BTBD19: variants seen among roughly 807,000 people sequenced by gnomAD.
BTBD19 encodes BTB domain containing 19, also known as BTB/POZ domain-containing protein 19.
BTBD19 carries 20 observed loss-of-function variants against 36.1 expected under a neutral mutation model. That is an observed-to-expected ratio of 0.55 (90% CI 0.39 to 0.80). The LOEUF (loss-of-function observed/expected upper bound fraction) is 0.80, where lower values mean the gene tolerates loss of function less well. Among genes scored for constraint, BTBD19 ranks in the 30% least tolerant of loss-of-function variants. The pLI is 0.00. For missense variants in BTBD19, 325 were observed against 389.8 expected, an observed-to-expected ratio of 0.83 and a Z score of 1.40; for synonymous variants, 157 against 174.3, an observed-to-expected ratio of 0.90 and a Z score of 0.78.
exon 8 of BTBD19, chr1:44,814,013 G>A (rs1279209200): frequency 1.6e-6 from 1 of 616,236 alleles, no homozygotes; most frequent in African/African-American, 1.8e-5. Context: ...GGTGAAACTC[G>A]AAAACGAGGA....
Position 44,810,666 on chromosome 1 carries a change from C to T in BTBD19, c.354+59C>T, listed in dbSNP as rs369328951. The stretch of plus-strand genomic sequence containing the variant: ...CCTTGCTTCTCACGGGCTCACTTCC[C>T]GCCCTGCCTCACACACACTCTGGCC... On this transcript the variant is annotated intron_variant, in intron 3 of 7. Transcript: ENST00000450269. This position sits in a 1 kb window ranked among gnomAD's most constrained non-coding sequence, Gnocchi z 4.2. 13 of 1,453,922 alleles carry T rather than the reference C, an allele frequency of 8.9e-6. No individual in the cohort carries two copies. Among genetic ancestry groups the T allele is most frequent in the Middle Eastern group, 4.3e-4 (2 of 4,652 alleles). 90.1% of individuals were successfully genotyped at this position (1,453,922 alleles called of 1,614,324 possible).
chr1:44,814,214 TTCTTTCTTTC>T, downstream of BTBD19: 1 of 114,412 alleles, frequency 8.7e-6, no homozygotes, highest in Non-Finnish European at 1.7e-5. Flanking sequence ...TTCTTTCTTT[TTCTTTCTTTC>T]TCTTTCCTTC....
Position 44,813,955 on chromosome 1 carries a change from C to A in BTBD19, c.*183C>A. 3 of 1,024,224 alleles carry A rather than the reference C, an allele frequency of 2.9e-6. No individual in the cohort carries two copies. Among genetic ancestry groups the A allele is most frequent in the South Asian group, 1.6e-5 (1 of 61,336 alleles). 63.4% of individuals were successfully genotyped at this position (1,024,224 alleles called of 1,614,324 possible). A position where few individuals can be genotyped will look rare whatever the true frequency, so the allele number is the denominator to read the frequency against. On this transcript the variant is annotated 3_prime_UTR_variant, in exon 8 of 8. Transcript: ENST00000450269. This position sits in a 1 kb window ranked among gnomAD's most constrained non-coding sequence, Gnocchi z 7.8. ...TTGTGCGGGATCAAGCCCGTGTGGGCGAGGTGGGGTCGGGCCGGGCAGGGC... is the reference window on the plus strand; with the variant it reads ...TTGTGCGGGATCAAGCCCGTGTGGGAGAGGTGGGGTCGGGCCGGGCAGGGC...
At chr1:44,811,867 A>T in intron 3 of BTBD19, 172 bp from the exon 4 acceptor site, 1 of 417,276 alleles carries the variant, frequency 2.4e-6, no homozygotes, top group South Asian at 1.8e-5. Context: ...CAGTTCCTGT[A>T]AGCCTGCTGT....
intron 1 of BTBD19, 107 bp downstream of exon 1, chr1:44,809,013 C>A: frequency 1.0e-6 from 1 of 964,652 alleles, no homozygotes; most frequent in Non-Finnish European, 1.5e-6. Context: ...CTTGGCCATC[C>A]TCCCTGGTGA....
At chr1:44,812,282 G>A (rs917738926) in intron 4 of BTBD19, among the ~76,000 whole-genome samples, 184 bp downstream of exon 4, 2 of 152,122 alleles carry the variant, frequency 1.3e-5, no homozygotes, top group African/African-American at 4.8e-5. Flanking sequence ...GATCCTGGGT[G>A]TATCAGCAGG....
chr1:44,813,856 G>A lies in BTBD19; in HGVS notation c.*84G>A. ...ACAGCTCCCGAAGTGCTCGGCGTTC[G>A]GAGCGGGCTTCCGTTCCCAGCGTGC... On this transcript the variant is annotated 3_prime_UTR_variant, in exon 8 of 8. Transcript: ENST00000450269. The surrounding 1 kb of genome is among the most constrained non-coding windows in gnomAD (Gnocchi z 7.8). 6.6e-7 allele frequency: 1 copy of A among 1,524,006 alleles called. No homozygotes were observed. The highest frequency in any genetic ancestry group is 8.9e-7 in the Non-Finnish European group (1 of 1,125,202). 94.4% of individuals were successfully genotyped at this position (1,524,006 alleles called of 1,614,324 possible).
At position 44,813,677 on chromosome 1, in the gene BTBD19, C is replaced by A. The variant is rs748787780; in HGVS notation, c.781C>A (p.Arg261=). The A allele has an allele frequency of 1.0e-5, 16 of 1,551,260 alleles. No individual in the cohort carries two copies. The East Asian group carries it at 2.9e-4, about 28-fold the overall frequency. ...GGAGGCGTGGAAATGCCATGCCCTG[C>A]GGAGAGGGGATGAGGCCCGGGGCGC... is the stretch of plus-strand genomic sequence containing the variant. Residue 261 remains arginine (R), a synonymous_variant, in exon 8 of 8, where the codon CGG becomes AGG. Transcript: ENST00000450269. This position sits in a 1 kb window ranked among gnomAD's most constrained non-coding sequence, Gnocchi z 7.8.
exon 4 of BTBD19, chr1:44,812,065 G>A: frequency 1.5e-6 from 2 of 1,305,378 alleles, no homozygotes; most frequent in Non-Finnish European, 2.0e-6. Context: ...TGGTGAAGGT[G>A]CTGGATGTGG....
chr1:44,813,728 C>G lies in BTBD19; in HGVS notation c.832C>G (p.Leu278Val). The G allele has an allele frequency of 6.4e-7, 1 of 1,551,556 alleles. No homozygotes were observed. The highest frequency in any genetic ancestry group is 8.7e-7 in the Non-Finnish European group (1 of 1,146,874). The change falls in exon 8 of 8, where the codon CTG becomes GTG. Residue 278 changes from leucine (L) to valine (V), a missense_variant. Leu to Val is a conservative substitution (Grantham distance 32). Transcript: ENST00000450269. The surrounding 1 kb of genome is among the most constrained non-coding windows in gnomAD (Gnocchi z 7.8). ...CCCGTGTCGCCGCCGGAGAGGCACC[C>G]TGCCCCGGGAGCATCACCGCTTTCT...
chr1:44,813,965 T>G lies in BTBD19; in HGVS notation c.*193T>G. The stretch of plus-strand genomic sequence containing the variant: ...TCAAGCCCGTGTGGGCGAGGTGGGG[T>G]CGGGCCGGGCAGGGCTTGGGCTGGG... On this transcript the variant is annotated 3_prime_UTR_variant, in exon 8 of 8. Transcript: ENST00000450269. The surrounding 1 kb of genome is among the most constrained non-coding windows in gnomAD (Gnocchi z 7.8). 2 of 939,794 alleles carry G rather than the reference T, an allele frequency of 2.1e-6. No homozygotes were observed. The highest frequency in any genetic ancestry group is 2.7e-5 in the East Asian group (1 of 37,338). 58.2% of individuals were successfully genotyped at this position (939,794 alleles called of 1,614,324 possible).
chr1:44,811,546 A>G, intron 3 of BTBD19: 1 of 181,064 alleles, frequency 5.5e-6, no homozygotes, highest in Non-Finnish European at 1.2e-5. Context: ...AGCAGAGGGC[A>G]GTGGAGATTC....
Position 44,810,198 on chromosome 1 carries a change from G to C in BTBD19, c.87-15G>C, listed in dbSNP as rs762708481. 8 of 1,547,540 alleles carry C rather than the reference G, an allele frequency of 5.2e-6. No homozygotes were observed. The South Asian group carries it at 9.5e-5, about 18-fold the overall frequency. On this transcript the variant is annotated splice_polypyrimidine_tract_variant and intron_variant, in intron 1 of 7. Coordinates refer to ENST00000450269, the Ensembl canonical transcript of BTBD19. The surrounding 1 kb of genome is among the most constrained non-coding windows in gnomAD (Gnocchi z 4.2). ...CTGGCCTCCTCCCCGCTGCCTCTCTGCCTGTCTCCCACAGTGATGTTTGCT... is the reference window on the plus strand; with the variant it reads ...CTGGCCTCCTCCCCGCTGCCTCTCTCCCTGTCTCCCACAGTGATGTTTGCT...
At position 44,810,305 on chromosome 1, in the gene BTBD19, T is replaced by G. The variant is rs766716931; in HGVS notation, c.179T>G (p.Leu60Arg). ...AGATGCAACTTCTTCCAGCGACTTC[T>G]GGGCACAGAGCCAGGCCCCGGGGTG... The change falls in exon 2 of 8, where the codon CTG (leucine) becomes CGG (arginine). Residue 60 changes from leucine (L) to arginine (R), a missense_variant. Coordinates refer to ENST00000450269, the Ensembl canonical transcript of BTBD19. This position sits in a 1 kb window ranked among gnomAD's most constrained non-coding sequence, Gnocchi z 4.2. 4.1e-5 allele frequency: 63 copies of G among 1,551,788 alleles called. No individual in the cohort carries two copies. The South Asian group carries it at 7.4e-4, about 18-fold the overall frequency.
chr1:44,809,442 C>T (rs911663921), intron 1 of BTBD19, among the ~76,000 whole-genome samples: 10 of 152,142 alleles, frequency 6.6e-5, no homozygotes, highest in South Asian at 2.1e-4. Context: ...TACAGGAGGC[C>T]GGGCTGCTCA....
exon 1 of BTBD19, chr1:44,808,759 C>A: frequency 6.3e-6 from 8 of 1,264,412 alleles, no homozygotes; most frequent in African/African-American, 1.5e-5. Flanking sequence ...GCTAACCTCA[C>A]CAGCTCTAGG....
exon 1 of BTBD19, chr1:44,808,707 C>T (rs1652250685): frequency 1.9e-5 from 14 of 727,326 alleles, no homozygotes; most frequent in Admixed American, 3.2e-5. Context: ...AGCTTCTCAG[C>T]AAACAGGCCT....
rs1652533254 is a variant in BTBD19, at chr1:44,813,491, C to T, written c.733C>T (p.Leu245Phe). 5 of 1,549,768 alleles carry T rather than the reference C, an allele frequency of 3.2e-6. No homozygotes were observed. The highest frequency in any genetic ancestry group is 1.2e-5 in the South Asian group (1 of 84,022). Residue 245 changes from leucine to phenylalanine, a missense_variant, in exon 7 of 8, where the codon CTC becomes TTC. By Grantham distance (22) the Leu-to-Phe change is conservative. Coordinates refer to ENST00000450269, the Ensembl canonical transcript of BTBD19. This position sits in a 1 kb window ranked among gnomAD's most constrained non-coding sequence, Gnocchi z 7.8. ...GGAAGAGCAGAACCGGCAGGAACCA[C>T]TCATCCCGGTGGGGACGCGGGGAAC...
chr1:44,813,534 G>T lies in BTBD19; in HGVS notation c.741+35G>T, dbSNP rs371715428. 74 of 1,545,168 alleles carry T rather than the reference G, an allele frequency of 4.8e-5. No individual in the cohort carries two copies. The African/African-American group carries it at 9.4e-4, about 20-fold the overall frequency. On this transcript the variant is annotated intron_variant, in intron 7 of 7. Coordinates refer to ENST00000450269, the Ensembl canonical transcript of BTBD19. This position sits in a 1 kb window ranked among gnomAD's most constrained non-coding sequence, Gnocchi z 7.8. ...CGGGGAACCGGCCCAGCTCCACTCAGCAGGGGGTACAGGGCGCTGGGAGGG... is the reference window on the plus strand; with the variant it reads ...CGGGGAACCGGCCCAGCTCCACTCATCAGGGGGTACAGGGCGCTGGGAGGG...
Sources: allele counts gnomAD v4.1 joint callset (sites outside exome capture counted in the v4.1 genomes callset), GRCh38; gene constraint gnomAD v4.1.1; non-coding constraint Gnocchi (gnomAD v3.1); transcripts MANE v1.5; gene names NCBI Gene and HGNC (gene_info 2026-07-23, HGNC 2026-07-21).